ABR: variants seen among roughly 807,000 people sequenced by gnomAD.
ABR encodes ABR activator of RhoGEF and GTPase, also known as active breakpoint cluster region-related protein.
In ABR, 35 loss-of-function variants were observed where a neutral mutation model predicts 107.2. The ratio of observed to expected loss-of-function variants is 0.33; its 90% CI spans 0.25 to 0.43. The LOEUF is 0.43. Ranked by LOEUF, ABR falls within the 20% of genes least tolerant of loss-of-function variation. ABR has a pLI of 1.00. For synonymous variants in ABR, 498 were observed against 462.0 expected, an observed-to-expected ratio of 1.08 and a Z score of -1.00; for missense variants, 815 against 1,115.2, an observed-to-expected ratio of 0.73 and a Z score of 3.83.
intron 16 of ABR, chr17:1,031,549 CA>C: frequency 2.7e-6 from 2 of 752,592 alleles, no homozygotes; most frequent in Non-Finnish European, 3.6e-6. Context: ...CCGAGCCCCG[CA>C]GCGCCCCCGA....
At chr17:1,085,114 T>TAGACTACTCGGGGAAGTGTAAA (rs1383858889) in intron 4 of ABR, among the ~76,000 whole-genome samples, 3 of 145,308 alleles carry the variant, frequency 2.1e-5, no homozygotes, top group Non-Finnish European at 3.0e-5. Context: ...TTAAAACTTT[T>TAGACTACTCGGGGAAGTGTAAA]TTTTTTTTTT....
At chr17:1,113,609 C>T (rs914838168) in intron 2 of ABR, among the ~76,000 whole-genome samples, 1 of 152,090 alleles carries the variant, frequency 6.6e-6, no homozygotes, top group African/African-American at 2.4e-5. Context: ...TTAGATTCGA[C>T]TTTAAACGTC....
At chr17:1,110,623 C>G (rs942952231) in intron 2 of ABR, among the ~76,000 whole-genome samples, 7 of 152,228 alleles carry the variant, frequency 4.6e-5, no homozygotes, top group African/African-American at 1.7e-4. Flanking sequence ...CCACTCCCCC[C>G]AGAATTCTTC....
rs1351059291 is a variant in ABR, at chr17:1,037,371, C to T, written c.1791+12679G>A. ...CTGACCTCCAGCCTCTCTCTGGCCA[C>T]GTCAGGCTGGTGTCGCCAGGGTGCT... On this transcript the variant is annotated intron_variant, in intron 16 of 22. Transcript: ENST00000302538. The surrounding 1 kb of genome is among the most constrained non-coding windows in gnomAD (Gnocchi z 4.6). Among the ~76,000 whole-genome samples the T allele has an allele frequency of 1.3e-5, 2 of 152,160 alleles. No homozygotes were observed. The highest frequency in any genetic ancestry group is 2.9e-5 in the Non-Finnish European group (2 of 68,030).
chr17:1,137,014 TCTCTCTCTCTCTCTTTCTCTCTTCC>T, intron 1 of ABR, among the ~76,000 whole-genome samples: 1 of 1,770 alleles, frequency 5.6e-4, no homozygotes, highest in South Asian at 0.17. Flanking sequence ...TTCTTTTTTC[TCTCTCTCTCTCTCTTTCTCTCTTCC>T]TTCTCTCTCT....
chr17:1,097,421 T>C (rs568477968), intron 3 of ABR, among the ~76,000 whole-genome samples: 8 of 151,852 alleles, frequency 5.3e-5, no homozygotes, highest in Admixed American at 3.9e-4. Flanking sequence ...TGAAATCTCA[T>C]CTCTACTAAA....
At chr17:1,112,982 T>A (rs1479568956) in intron 2 of ABR, among the ~76,000 whole-genome samples, 1 of 150,358 alleles carries the variant, frequency 6.7e-6, no homozygotes, top group African/African-American at 2.5e-5. Context: ...CAAGCATTTG[T>A]TAACGCCTGA....
chr17:1,161,846 C>A (rs944667826), intron 1 of ABR, among the ~76,000 whole-genome samples: 13 of 152,140 alleles, frequency 8.5e-5, no homozygotes, highest in African/African-American at 2.9e-4. Context: ...TGAGCCACAG[C>A]GCCCGGCCAG....
At chr17:1,129,809 C>T (rs61401376) in intron 1 of ABR, among the ~76,000 whole-genome samples, 2,373 of 151,984 alleles carry the variant, frequency 0.016, 76 homozygotes, top group African/African-American at 0.054. Flanking sequence ...TAGCTGGGTG[C>T]GATGGCGGGT....
intron 1 of ABR, among the ~76,000 whole-genome samples, chr17:1,173,498 C>T (rs866885425): frequency 7.9e-5 from 12 of 151,662 alleles, no homozygotes; most frequent in African/African-American, 2.2e-4. Context: ...AAACAGCTGC[C>T]GCCAACGCTG....
Position 1,010,799 on chromosome 17 carries a change from C to T in ABR, c.2166G>A (p.Lys722=). The T allele has an allele frequency of 6.2e-7, 1 of 1,613,858 alleles. No homozygotes were observed. Among genetic ancestry groups the T allele is most frequent in the East Asian group, 2.2e-5 (1 of 44,884 alleles). Residue 722 remains lysine (K), a synonymous_variant, in exon 20 of 23, where the codon AAG becomes AAA. Coordinates refer to ENST00000302538, the MANE Select transcript of ABR (RefSeq NM_021962.5). This position sits in a 1 kb window ranked among gnomAD's most constrained non-coding sequence, Gnocchi z 4.1. ...GCTCGGGCAGTTCCCGGAAGTACAG[C>T]TTGAGCGTCCCGGCGATGGCGTTGA... ...MDINAIAGTL[K]LYFRELPEPL...
At chr17:1,056,899 C>G (rs2033341820) in intron 13 of ABR, 99 bp downstream of exon 13, 1 of 780,144 alleles carries the variant, frequency 1.3e-6, no homozygotes, top group Non-Finnish European at 2.2e-6. Context: ...AGGGATCAGC[C>G]ATTTACAGCC....
chr17:1,204,377 A>G (rs941101996), intron 1 of ABR, among the ~76,000 whole-genome samples: 1 of 152,176 alleles, frequency 6.6e-6, no homozygotes, highest in African/African-American at 2.4e-5. Context: ...CCCGGGAGGC[A>G]GAGGTTGCAG....
intron 1 of ABR, among the ~76,000 whole-genome samples, chr17:1,159,468 AATGCAGTACTCACGCACAAGGGAAGT>A (rs1381362092): frequency 0.013 from 799 of 62,732 alleles, 52 homozygotes; most frequent in African/African-American, 0.025. Flanking sequence ...GGGAAGTAAG[AATGCAGTACTCACGCACAAGGGAAGT>A]ATGCGGTACT....
intron 16 of ABR, among the ~76,000 whole-genome samples, chr17:1,036,886 G>A (rs186675233): frequency 6.6e-6 from 1 of 152,250 alleles, no homozygotes; most frequent in Admixed American, 6.5e-5. Context: ...GATACCTCTG[G>A]GTATTTGCAA....
chr17:1,132,431 T>C (rs1474978538), intron 1 of ABR, among the ~76,000 whole-genome samples: 1 of 143,764 alleles, frequency 7.0e-6, no homozygotes, highest in Admixed American at 7.4e-5. Context: ...CAGGCTGGAA[T>C]GCATTGGCAC....
rs151281969 is a variant in ABR at position 1,208,627 on chromosome 17, G to A, written c.838+20166C>T. ...CTGCCGGCCGGGCACAGTGGCTCAC[G>A]CCTCTTATCCCAGCACTTTGGGAGG... On this transcript the variant is annotated intron_variant, in intron 1 of 22. Transcript: ENST00000574139. Among the ~76,000 whole-genome samples, 187 of 152,302 alleles carry A rather than the reference G, an allele frequency of 1.2e-3. 2 individuals are homozygous for A. The highest frequency in any genetic ancestry group is 3.3e-3 in the African/African-American group (137 of 41,570).
rs1266014099 is a variant in ABR, at chr17:1,010,978, G to C, written c.2102-115C>G. ...TCCAGCTCTGGTTCTGGTCTCCCCT[G>C]GAAGAGCAGGATGTAGAGAGGGCCC... On this transcript the variant is annotated intron_variant, in intron 19 of 22. Coordinates refer to ENST00000302538, the MANE Select transcript of ABR (RefSeq NM_021962.5). This position sits in a 1 kb window ranked among gnomAD's most constrained non-coding sequence, Gnocchi z 4.1. 2.2e-6 allele frequency: 3 copies of C among 1,393,228 alleles called. No homozygotes were observed. The highest frequency in any genetic ancestry group is 1.4e-5 in the African/African-American group (1 of 70,956). The allele number at this position is 1,393,228 out of a possible 1,614,324, so 86.3% of individuals were successfully genotyped here.
At chr17:1,143,733 C>T (rs562015135) in intron 1 of ABR, among the ~76,000 whole-genome samples, 6 of 152,168 alleles carry the variant, frequency 3.9e-5, no homozygotes, top group East Asian at 3.9e-4. Flanking sequence ...GAGAAGTGGC[C>T]GCCTGGAGAA....
Sources: gnomAD v4.1 joint callset for allele counts (sites outside exome capture counted in the v4.1 genomes callset) on GRCh38, gnomAD v4.1.1 for gene constraint, Gnocchi (gnomAD v3.1) non-coding constraint, MANE v1.5 for transcripts, NCBI Gene and HGNC (gene_info 2026-07-23, HGNC 2026-07-21) for gene names.